The following CAMTA1 variants were observed in gnomAD, a reference collection of about 807,000 sequenced individuals.
The protein encoded by CAMTA1 is calmodulin binding transcription activator 1, also known as calmodulin-binding transcription activator 1.
CAMTA1 carries 27 observed loss-of-function variants against 170.9 expected under a neutral mutation model. That is an observed-to-expected ratio of 0.16 (90% CI 0.12 to 0.22). CAMTA1 has a LOEUF of 0.22. Ranked by LOEUF, CAMTA1 falls within the 10% of genes least tolerant of loss-of-function variation. The pLI, the probability that CAMTA1 is intolerant of heterozygous loss-of-function variation, is 1.00. For synonymous variants in CAMTA1, 833 were observed against 891.5 expected (o/e 0.93, Z 1.17); for missense variants, 1,619 against 2,217.2 (o/e 0.73, Z 5.42).
intron 6 of CAMTA1, among the ~76,000 whole-genome samples, chr1:7,529,239 G>A (rs1269222734): frequency 1.3e-5 from 2 of 152,126 alleles, no homozygotes; most frequent in Non-Finnish European, 2.9e-5. Flanking sequence ...GGCAGAGATG[G>A]GCATGGGGCA....
chr1:6,835,431 G>GA (rs1177013289), intron 3 of CAMTA1, among the ~76,000 whole-genome samples: 1 of 152,150 alleles, frequency 6.6e-6, no homozygotes, highest in Non-Finnish European at 1.5e-5. Flanking sequence ...TGGTTGGAAG[G>GA]AAAAAGGAAG....
In CAMTA1 at chr1:7,650,385, T is replaced by C. The variant is rs141573389; in HGVS notation, c.664+9832T>C. On this transcript the variant is annotated intron_variant, in intron 7 of 22. Coordinates refer to ENST00000303635, the MANE Select transcript of CAMTA1 (RefSeq NM_015215.4). Reference sequence around the variant, plus strand: ...AAAGGACATGCCACCCCACACGCTCTGTATTTCCTGATGATGGAGTCACTG... The same window carrying C: ...AAAGGACATGCCACCCCACACGCTCCGTATTTCCTGATGATGGAGTCACTG... Among the ~76,000 whole-genome samples the C allele has an allele frequency of 1.9e-3, 289 of 152,332 alleles. 2 individuals carry two copies. Among genetic ancestry groups the C allele is most frequent in the African/African-American group, 6.4e-3 (268 of 41,574 alleles).
chr1:7,124,341 C>T (rs1212122621), intron 4 of CAMTA1, among the ~76,000 whole-genome samples: 2 of 152,204 alleles, frequency 1.3e-5, no homozygotes, highest in Admixed American at 6.5e-5. Flanking sequence ...CACACACTGT[C>T]CCTCCCGTTG....
chr1:7,104,307 T>C (rs1173738446), intron 4 of CAMTA1, among the ~76,000 whole-genome samples: 3 of 152,034 alleles, frequency 2.0e-5, no homozygotes, highest in African/African-American at 7.2e-5. Flanking sequence ...AATGCATGCA[T>C]GCAGCACAGA....
intron 5 of CAMTA1, among the ~76,000 whole-genome samples, chr1:7,287,764 AG>A (rs962943472): frequency 1.3e-5 from 2 of 152,222 alleles, no homozygotes; most frequent in African/African-American, 4.8e-5. Context: ...GTTCCCCTCC[AG>A]GTGGTGACTC....
intron 11 of CAMTA1, among the ~76,000 whole-genome samples, chr1:7,723,507 G>A (rs575727160): frequency 7.2e-5 from 11 of 152,292 alleles, no homozygotes; most frequent in African/African-American, 1.7e-4. Flanking sequence ...ATACTCCCCC[G>A]TCTGCGAGGT....
At chr1:7,254,651 T>G (rs1452575619) in intron 5 of CAMTA1, among the ~76,000 whole-genome samples, 2 of 150,020 alleles carry the variant, frequency 1.3e-5, no homozygotes, top group Non-Finnish European at 1.5e-5. Context: ...ATTTGGGCAC[T>G]TAGGCCACAT....
intron 3 of CAMTA1, among the ~76,000 whole-genome samples, chr1:6,992,190 C>T (rs542338456): frequency 6.6e-6 from 1 of 152,290 alleles, no homozygotes; most frequent in East Asian, 1.9e-4. Flanking sequence ...TCACCTCAGC[C>T]TCCCGAATAG....
intron 3 of CAMTA1, among the ~76,000 whole-genome samples, chr1:6,962,975 C>G (rs1352769388): frequency 6.6e-6 from 1 of 151,130 alleles, no homozygotes; most frequent in African/African-American, 2.4e-5. Context: ...GCCCCTTTCA[C>G]CCGTCTGGCC....
intron 5 of CAMTA1, among the ~76,000 whole-genome samples, chr1:7,353,371 T>A (rs949765055): frequency 1.3e-5 from 2 of 151,568 alleles, no homozygotes; most frequent in Non-Finnish European, 2.9e-5. Flanking sequence ...CTCCAGTAGC[T>A]AACAGGCCTC....
At chr1:7,326,730 A>C (rs2082705457) in intron 5 of CAMTA1, among the ~76,000 whole-genome samples, 1 of 152,184 alleles carries the variant, frequency 6.6e-6, no homozygotes, top group African/African-American at 2.4e-5. Context: ...TTTCAGACTT[A>C]AGACTTCCAG....
chr1:7,553,787 AG>A, intron 6 of CAMTA1, among the ~76,000 whole-genome samples: 2 of 102,168 alleles, frequency 2.0e-5, no homozygotes, highest in South Asian at 8.3e-4. Context: ...TTCAAAGAGA[AG>A]GGAGGTCGTG....
intron 6 of CAMTA1, among the ~76,000 whole-genome samples, chr1:7,519,647 CCT>C (rs1392170586): frequency 6.6e-6 from 1 of 151,836 alleles, no homozygotes; most frequent in African/African-American, 2.4e-5. Flanking sequence ...TAGAGCCAAC[CCT>C]GAGCTTCAGG....
chr1:7,328,452 G>GT (rs2149725451), intron 5 of CAMTA1, among the ~76,000 whole-genome samples: 1 of 152,224 alleles, frequency 6.6e-6, no homozygotes, highest in South Asian at 2.1e-4. Flanking sequence ...CTGAGATCCT[G>GT]TCACTGCACT....
At chr1:7,726,213 A>C (rs2096685004) in intron 11 of CAMTA1, among the ~76,000 whole-genome samples, 1 of 136,452 alleles carries the variant, frequency 7.3e-6, no homozygotes, top group African/African-American at 2.6e-5. Flanking sequence ...TTGTCTGTCA[A>C]AGGATTTTTT....
At chr1:7,530,451 G>A (rs1301341825) in intron 6 of CAMTA1, among the ~76,000 whole-genome samples, 2 of 152,082 alleles carry the variant, frequency 1.3e-5, no homozygotes, top group Non-Finnish European at 2.9e-5. Flanking sequence ...CATTTGTTTC[G>A]GTGATTTATG....
chr1:6,957,105 A>T (rs1689589822), intron 3 of CAMTA1, among the ~76,000 whole-genome samples: 1 of 152,182 alleles, frequency 6.6e-6, no homozygotes, highest in Non-Finnish European at 1.5e-5. Flanking sequence ...GATTCAACAG[A>T]GGGATGATGG....
intron 3 of CAMTA1, among the ~76,000 whole-genome samples, chr1:6,883,242 T>C (rs1240749812): frequency 6.6e-6 from 1 of 152,140 alleles, no homozygotes; most frequent in Non-Finnish European, 1.5e-5. Flanking sequence ...CAGATGCTGC[T>C]AAAGCTGGAG....
chr1:7,158,254 T>A (rs970117269), intron 4 of CAMTA1, among the ~76,000 whole-genome samples: 1 of 152,042 alleles, frequency 6.6e-6, no homozygotes. Flanking sequence ...GAAACAAGAG[T>A]ACATGTTATA....
Sources: allele counts gnomAD v4.1 joint callset (sites outside exome capture counted in the v4.1 genomes callset), GRCh38; gene constraint gnomAD v4.1.1; transcripts MANE v1.5; gene names NCBI Gene and HGNC (gene_info 2026-07-23, HGNC 2026-07-21).